KIF26B: variants seen among roughly 807,000 people sequenced by gnomAD.
The protein encoded by KIF26B is kinesin-like protein KIF26B.
KIF26B carries 63 observed loss-of-function variants against 151.2 expected under a neutral mutation model. The observed-to-expected ratio is 0.42, with a 90% confidence interval of 0.34 to 0.51. The LOEUF is 0.51. KIF26B is among the 20% of genes least tolerant of loss of function. KIF26B has a pLI of 0.07. For synonymous variants in KIF26B, 1,357 were observed against 1,262.1 expected (o/e 1.08, Z -1.59); for missense variants, 2,813 against 2,913.6 (o/e 0.97, Z 0.79).
chr1:245,417,951 A>C (rs1030197817), intron 3 of KIF26B, among the ~76,000 whole-genome samples: 11 of 150,008 alleles, frequency 7.3e-5, no homozygotes, highest in Non-Finnish European at 1.5e-4. Context: ...ACGGTGTGTC[A>C]AAATCAGATG....
At chr1:245,509,932 C>G (rs763151096) in intron 4 of KIF26B, among the ~76,000 whole-genome samples, 1 of 152,196 alleles carries the variant, frequency 6.6e-6, no homozygotes, top group Non-Finnish European at 1.5e-5. Flanking sequence ...TACAGAGCCC[C>G]GTCTGTGGGT....
intron 3 of KIF26B, among the ~76,000 whole-genome samples, chr1:245,387,288 C>T (rs1355616041): frequency 1.3e-5 from 2 of 151,892 alleles, no homozygotes; most frequent in African/African-American, 4.8e-5. Context: ...CCTCAGCCTC[C>T]CGAGTAGCTG....
At chr1:245,387,229 ATCTC>A (rs1673573205) in intron 3 of KIF26B, among the ~76,000 whole-genome samples, 1 of 146,030 alleles carries the variant, frequency 6.8e-6, no homozygotes, top group South Asian at 2.2e-4. Context: ...CAGTGGCGTG[ATCTC>A]TGCTCGCTGC....
At chr1:245,161,583 T>C (rs1668530273) in intron 2 of KIF26B, among the ~76,000 whole-genome samples, 1 of 152,168 alleles carries the variant, frequency 6.6e-6, no homozygotes. Context: ...AATAATAATA[T>C]GTAATAAATG....
At chr1:245,338,214 TTTAC>T (rs1416397673) in intron 2 of KIF26B, among the ~76,000 whole-genome samples, 1 of 152,170 alleles carries the variant, frequency 6.6e-6, no homozygotes, top group East Asian at 1.9e-4. Flanking sequence ...TTCAAAATGG[TTTAC>T]TTGTTTCTTA....
intron 2 of KIF26B, among the ~76,000 whole-genome samples, chr1:245,308,141 T>C (rs1671594008): frequency 6.6e-6 from 1 of 152,204 alleles, no homozygotes. Context: ...AGAGAGAGTT[T>C]AAACCGGCCT....
Position 245,688,038 on chromosome 1 carries a change from C to A in KIF26B, c.5055C>A (p.Ala1685=), listed in dbSNP as rs1367750982. Residue 1685 remains alanine, a synonymous_variant, in exon 12 of 15, where the codon GCC becomes GCA. Coordinates refer to ENST00000407071, the MANE Select transcript of KIF26B (RefSeq NM_018012.4). ...SHYECLSLER[A]ESLSSVSSRL... ...ACGAATGCCTCTCCCTGGAGCGGGC[C>A]GAGAGCCTGTCCTCCGTGAGCTCCC... is the stretch of plus-strand genomic sequence containing the variant. 6.4e-7 allele frequency: 1 copy of A among 1,556,056 alleles called. No individual in the cohort carries two copies. Among genetic ancestry groups the A allele is most frequent in the Non-Finnish European group, 8.7e-7 (1 of 1,150,610 alleles).
chr1:245,282,846 G>T, intron 2 of KIF26B: 1 of 218,078 alleles, frequency 4.6e-6, no homozygotes, highest in Non-Finnish European at 1.0e-5. Context: ...TAATTTGTCT[G>T]TGAGCAGCAA....
chr1:245,706,419 T>C lies in KIF26B; in HGVS notation c.*3813T>C, dbSNP rs1018457406. 1 of 152,216 alleles carries C rather than the reference T, an allele frequency of 6.6e-6. No individual in the cohort carries two copies. Among genetic ancestry groups the C allele is most frequent in the Non-Finnish European group, 1.5e-5 (1 of 68,038 alleles). The allele number at this position is 152,216 out of a possible 1,614,324, so 9.4% of individuals were successfully genotyped here. ...AATGCAAACACAGCCGTCTATATCA[T>C]TGGCCACTGCTGATTATATTGAGTG... is the stretch of plus-strand genomic sequence containing the variant. On this transcript the variant is annotated 3_prime_UTR_variant, in exon 15 of 15. Coordinates refer to ENST00000407071, the MANE Select transcript of KIF26B (RefSeq NM_018012.4).
chr1:245,542,101 C>T (rs1661638909), intron 5 of KIF26B, among the ~76,000 whole-genome samples: 1 of 152,094 alleles, frequency 6.6e-6, no homozygotes, highest in Non-Finnish European at 1.5e-5. Flanking sequence ...ACCTGTAATC[C>T]CAGAGCTTTG....
intron 3 of KIF26B, among the ~76,000 whole-genome samples, chr1:245,372,025 G>T (rs536636565): frequency 1.7e-4 from 19 of 114,864 alleles, no homozygotes; most frequent in East Asian, 4.1e-4. Context: ...ATTCTCTAGC[G>T]CAGGGGTCCC....
At chr1:245,429,091 G>A (rs1328291401) in intron 4 of KIF26B, among the ~76,000 whole-genome samples, 1 of 152,076 alleles carries the variant, frequency 6.6e-6, no homozygotes, top group East Asian at 1.9e-4. Flanking sequence ...CTGACTTGAG[G>A]CAAGTAACTT....
chr1:245,198,052 C>A (rs1413465170), intron 2 of KIF26B, among the ~76,000 whole-genome samples: 1 of 152,228 alleles, frequency 6.6e-6, no homozygotes, highest in African/African-American at 2.4e-5. Context: ...CCCCTGCTCC[C>A]TCCCTTCCTC....
At chr1:245,521,083 A>G (rs1036184116) in intron 4 of KIF26B, among the ~76,000 whole-genome samples, 4 of 152,148 alleles carry the variant, frequency 2.6e-5, no homozygotes. Flanking sequence ...CACGCCTGTA[A>G]TCCCAGCATT....
At chr1:245,242,052 G>T (rs961188460) in intron 2 of KIF26B, among the ~76,000 whole-genome samples, 1 of 152,170 alleles carries the variant, frequency 6.6e-6, no homozygotes, top group African/African-American at 2.4e-5. Context: ...AAAAATGCCT[G>T]ACTGTTAGAT....
At chr1:245,291,503 C>T (rs940734194) in intron 2 of KIF26B, among the ~76,000 whole-genome samples, 1 of 152,172 alleles carries the variant, frequency 6.6e-6, no homozygotes, top group Non-Finnish European at 1.5e-5. Flanking sequence ...GCATGCAGGC[C>T]TTGTGTGGCT....
At chr1:245,297,435 C>T (rs1029116172) in intron 2 of KIF26B, among the ~76,000 whole-genome samples, 3 of 152,192 alleles carry the variant, frequency 2.0e-5, no homozygotes, top group Non-Finnish European at 4.4e-5. Context: ...TAAGGTCACA[C>T]AGCCAAGTGG....
chr1:245,346,115 G>A (rs191152803), intron 2 of KIF26B, among the ~76,000 whole-genome samples: 17 of 151,246 alleles, frequency 1.1e-4, no homozygotes, highest in African/African-American at 4.1e-4. Context: ...TTTTGTGTGT[G>A]TGTATTTTTA....
intron 2 of KIF26B, among the ~76,000 whole-genome samples, chr1:245,260,936 T>G (rs1386506709): frequency 1.3e-5 from 2 of 152,208 alleles, no homozygotes; most frequent in East Asian, 3.8e-4. Flanking sequence ...GATGACTGAT[T>G]GGCTAACAGA....
Sources: allele counts gnomAD v4.1 joint callset (sites outside exome capture counted in the v4.1 genomes callset), GRCh38; gene constraint gnomAD v4.1.1; transcripts MANE v1.5; gene names NCBI Gene and HGNC (gene_info 2026-07-23, HGNC 2026-07-21).